Variants in SORCS3 observed in about 807,000 individuals in gnomAD.
The protein encoded by SORCS3 is VPS10 domain-containing receptor SorCS3.
SORCS3 carries 57 observed loss-of-function variants against 146.3 expected under a neutral mutation model. The ratio of observed to expected loss-of-function variants is 0.39; its 90% CI spans 0.31 to 0.49. The LOEUF (loss-of-function observed/expected upper bound fraction) is 0.49. Ranked by LOEUF, SORCS3 falls within the 20% of genes least tolerant of loss-of-function variation. The pLI is 0.92. For missense variants in SORCS3, 1,341 were observed against 1,575.5 expected (o/e 0.85, Z 2.52); for synonymous variants, 653 against 618.5 (o/e 1.06, Z -0.83).
intron 2 of SORCS3, among the ~76,000 whole-genome samples, chr10:104,877,100 T>C (rs1401742513): frequency 1.3e-5 from 2 of 152,108 alleles, no homozygotes; most frequent in African/African-American, 4.8e-5. Context: ...ATCCTCCTGC[T>C]TTGGCCTCTC....
chr10:104,924,782 C>G (rs1218432018), intron 3 of SORCS3, among the ~76,000 whole-genome samples: 1 of 152,196 alleles, frequency 6.6e-6, no homozygotes, highest in Non-Finnish European at 1.5e-5. Context: ...CTGTCCCCTT[C>G]TTTCAGAAGC....
chr10:105,152,416 A>G (rs1278124123), intron 9 of SORCS3, among the ~76,000 whole-genome samples: 6 of 152,204 alleles, frequency 3.9e-5, no homozygotes, highest in Non-Finnish European at 8.8e-5. Context: ...ACAATTATTT[A>G]GTTATTTTAT....
intron 6 of SORCS3, among the ~76,000 whole-genome samples, chr10:105,101,842 T>C (rs1589633260): frequency 6.6e-6 from 1 of 152,220 alleles, no homozygotes; most frequent in African/African-American, 2.4e-5. Context: ...AGGAAGCAGG[T>C]TGCCATATCA....
At chr10:105,154,843 G>A (rs1016573947) in intron 9 of SORCS3, among the ~76,000 whole-genome samples, 3 of 152,294 alleles carry the variant, frequency 2.0e-5, no homozygotes, top group South Asian at 2.1e-4. Context: ...CAGTCAAAAA[G>A]TGTGAAAGCT....
At chr10:104,774,409 C>G (rs1254160588) in intron 1 of SORCS3, among the ~76,000 whole-genome samples, 1 of 152,150 alleles carries the variant, frequency 6.6e-6, no homozygotes, top group Non-Finnish European at 1.5e-5. Flanking sequence ...CAACCTGTGT[C>G]GACGCTGCCA....
At chr10:104,929,255 A>C (rs911341569) in intron 3 of SORCS3, among the ~76,000 whole-genome samples, 1 of 152,168 alleles carries the variant, frequency 6.6e-6, no homozygotes, top group African/African-American at 2.4e-5. Flanking sequence ...TGTATATAGA[A>C]TACCTGGCAG....
At chr10:105,022,877 C>T (rs143074768) in intron 4 of SORCS3, among the ~76,000 whole-genome samples, 87 of 152,168 alleles carry the variant, frequency 5.7e-4, no homozygotes, top group African/African-American at 2.1e-3. Flanking sequence ...AGTTTTAAAA[C>T]AGCACTAAGG....
intron 2 of SORCS3, among the ~76,000 whole-genome samples, chr10:104,907,216 A>T (rs1165997487): frequency 6.6e-6 from 1 of 152,036 alleles, no homozygotes; most frequent in East Asian, 1.9e-4. Flanking sequence ...ATCAACAGAG[A>T]TGCAGTGAAT....
chr10:104,883,629 G>A (rs1349076655), intron 2 of SORCS3, among the ~76,000 whole-genome samples: 1 of 152,174 alleles, frequency 6.6e-6, no homozygotes, highest in African/African-American at 2.4e-5. Flanking sequence ...GCAGCTAACT[G>A]GGGCTGGTAT....
Position 105,157,237 on chromosome 10 carries a change from C to G in SORCS3, c.1582C>G (p.Gln528Glu), listed in dbSNP as rs746968190. 3.7e-6 allele frequency: 6 copies of G among 1,614,078 alleles called. No individual in the cohort carries two copies. The highest frequency in any genetic ancestry group is 5.1e-6 in the Non-Finnish European group (6 of 1,179,968). ...CAAAGGCAGGGATTGGCGCCTGCTG[C>G]AAGCTCCGGATGTGGACCTGAGAGG... The part of the protein sequence containing the change: ...YNKGRDWRLL[Q>E]APDVDLRGSP... Residue 528 changes from glutamine to glutamate, a missense_variant, in exon 10 of 27, where the codon CAA becomes GAA. Gln to Glu is a conservative substitution (Grantham distance 29). Transcript: ENST00000369701.
At chr10:105,225,029 G>T (rs2056725918) in intron 20 of SORCS3, among the ~76,000 whole-genome samples, 1 of 151,900 alleles carries the variant, frequency 6.6e-6, no homozygotes, top group South Asian at 2.1e-4. Flanking sequence ...CCACTCTGTG[G>T]CTTATCTTTT....
intron 1 of SORCS3, among the ~76,000 whole-genome samples, chr10:104,735,604 G>A (rs1441581989): frequency 1.3e-5 from 2 of 151,824 alleles, no homozygotes; most frequent in African/African-American, 4.8e-5. Context: ...AGAGCCCTTG[G>A]CTCCCTTCCT....
At chr10:104,709,711 G>A (rs141392902) in intron 1 of SORCS3, among the ~76,000 whole-genome samples, 4 of 152,230 alleles carry the variant, frequency 2.6e-5, no homozygotes, top group Admixed American at 6.5e-5. Context: ...TTAACTAATT[G>A]CAAAGCCCAT....
chr10:104,684,830 T>A, intron 1 of SORCS3, among the ~76,000 whole-genome samples: 1 of 76,384 alleles, frequency 1.3e-5, no homozygotes, highest in Middle Eastern at 7.2e-3. Context: ...TTTTTTTTTT[T>A]TTTATGAGAC....
chr10:105,223,316 G>T, intron 20 of SORCS3, 67 bp downstream of exon 20: 1 of 1,471,452 alleles, frequency 6.8e-7, no homozygotes, highest in Non-Finnish European at 9.1e-7. Flanking sequence ...CAGCTTTTAT[G>T]TGTCTATTAG....
At chr10:104,732,454 A>G (rs936539897) in intron 1 of SORCS3, among the ~76,000 whole-genome samples, 2 of 152,194 alleles carry the variant, frequency 1.3e-5, no homozygotes, top group South Asian at 2.1e-4. Flanking sequence ...TTTAAAGATT[A>G]TAATAGATGC....
At chr10:105,255,410 C>G (rs1453931434) in intron 23 of SORCS3, among the ~76,000 whole-genome samples, 1 of 152,002 alleles carries the variant, frequency 6.6e-6, no homozygotes, top group South Asian at 2.1e-4. Context: ...CAACATGGCA[C>G]ATGTATACAT....
intron 7 of SORCS3, among the ~76,000 whole-genome samples, chr10:105,130,398 A>G (rs2056010207): frequency 6.6e-6 from 1 of 152,060 alleles, no homozygotes; most frequent in Non-Finnish European, 1.5e-5. Context: ...TCTAGACCCA[A>G]ACTCTTTGTC....
chr10:104,996,661 C>CTGGTCATT (rs771610237), intron 4 of SORCS3, among the ~76,000 whole-genome samples: 2 of 152,134 alleles, frequency 1.3e-5, no homozygotes, highest in Non-Finnish European at 2.9e-5. Context: ...AGGCCATATT[C>CTGGTCATT]TGGTCATTTG....
Sources: gnomAD v4.1 joint callset for allele counts (sites outside exome capture counted in the v4.1 genomes callset) on GRCh38, gnomAD v4.1.1 for gene constraint, MANE v1.5 for transcripts, NCBI Gene and HGNC (gene_info 2026-07-23, HGNC 2026-07-21) for gene names.